Variants in RPA3 observed in about 807,000 individuals in gnomAD.
RPA3 encodes the protein replication protein A3, also known as replication protein A 14 kDa subunit.
A neutral mutation model predicts 13.7 loss-of-function variants in RPA3; 24 were observed. That is an observed-to-expected ratio of 1.75 (90% confidence interval 1.27 to 2.46). The LOEUF is 2.46. Ranked by LOEUF, RPA3 falls within the 30% of genes most tolerant of loss-of-function variation. RPA3 has a pLI of 0.00. For synonymous variants in RPA3, 59 were observed against 51.2 expected (o/e 1.15, Z -0.65); for missense variants, 183 against 151.0 (o/e 1.21, Z -1.11).
At chr7:7,678,602 T>C (rs1211312847) in intron 4 of RPA3, among the ~76,000 whole-genome samples, 3 of 134,440 alleles carry the variant, frequency 2.2e-5, no homozygotes, top group South Asian at 2.2e-4. Context: ...ATACTTAATT[T>C]ATAGATAAAT....
chr7:7,680,267 C>T (rs1046856424), intron 4 of RPA3, among the ~76,000 whole-genome samples: 1 of 152,000 alleles, frequency 6.6e-6, no homozygotes, highest in Non-Finnish European at 1.5e-5. Context: ...TATAGATATC[C>T]AGTTTTCCCA....
intron 2 of RPA3, among the ~76,000 whole-genome samples, chr7:7,689,122 C>T (rs1161964523): frequency 2.0e-5 from 3 of 152,122 alleles, no homozygotes; most frequent in Non-Finnish European, 4.4e-5. Flanking sequence ...TGCTCATTTG[C>T]CTAAGCCAGT....
At chr7:7,704,759 T>C (rs1230345429) in intron 2 of RPA3, among the ~76,000 whole-genome samples, 1 of 89,672 alleles carries the variant, frequency 1.1e-5, no homozygotes, top group African/African-American at 4.5e-5. Context: ...AGAGCGAGAC[T>C]CCATCTCAAA....
At chr7:7,642,013 G>T (rs1465400495) in intron 4 of RPA3, among the ~76,000 whole-genome samples, 1 of 152,172 alleles carries the variant, frequency 6.6e-6, no homozygotes. Flanking sequence ...AGTTGTGGTT[G>T]TATTGGTGCA....
intron 4 of RPA3, among the ~76,000 whole-genome samples, chr7:7,666,795 G>A (rs924606179): frequency 3.3e-5 from 5 of 151,832 alleles, no homozygotes; most frequent in African/African-American, 1.2e-4. Flanking sequence ...GGTTTGGACA[G>A]ATGAATTTAT....
intron 4 of RPA3, among the ~76,000 whole-genome samples, chr7:7,672,176 C>T (rs771064386): frequency 1.3e-5 from 2 of 152,164 alleles, no homozygotes; most frequent in Non-Finnish European, 2.9e-5. Context: ...GGAGCACTTG[C>T]TGCCACCAGG....
At chr7:7,653,714 G>A (rs769449745) in intron 4 of RPA3, among the ~76,000 whole-genome samples, 1 of 152,346 alleles carries the variant, frequency 6.6e-6, no homozygotes, top group South Asian at 2.1e-4. Flanking sequence ...GAGTGCTGCT[G>A]AGTGGTTAAT....
At chr7:7,650,936 G>T (rs1785210814) in intron 4 of RPA3, among the ~76,000 whole-genome samples, 1 of 152,120 alleles carries the variant, frequency 6.6e-6, no homozygotes. Context: ...TTAATGTATA[G>T]TCAGATTTGT....
chr7:7,648,706 C>T (rs984907028), intron 4 of RPA3, among the ~76,000 whole-genome samples: 1 of 151,876 alleles, frequency 6.6e-6, no homozygotes, highest in Non-Finnish European at 1.5e-5. Context: ...CAAAAATTAG[C>T]TGGCCATGGT....
chr7:7,685,790 T>C (rs1360513413), intron 4 of RPA3, 40 bp downstream of exon 4: 1 of 152,238 alleles, frequency 6.6e-6, no homozygotes, highest in Admixed American at 6.5e-5. Flanking sequence ...ATTTAAGTGT[T>C]TTCTTCCTTC....
intron 4 of RPA3, among the ~76,000 whole-genome samples, chr7:7,658,495 A>T (rs111727497): frequency 0.069 from 10,493 of 152,186 alleles, 392 homozygotes; most frequent in Admixed American, 0.11. Flanking sequence ...ATCAATACCT[A>T]GTTTTTTGAG....
chr7:7,674,362 G>A (rs1211420871), intron 4 of RPA3, among the ~76,000 whole-genome samples: 2 of 152,166 alleles, frequency 1.3e-5, no homozygotes, highest in Non-Finnish European at 2.9e-5. Context: ...AGAAATAAGG[G>A]ATGTTTCCCT....
chr7:7,677,652 A>G lies in RPA3; in HGVS notation c.-758+8178T>C, dbSNP rs1583723815. ...TGTACCACATTTTCTTTATCTATTC[A>G]TCTGTTTTTTTGTTTTTTTTTTTTT... On this transcript the variant is annotated intron_variant, in intron 4 of 7. Transcript: ENST00000223129. Among the ~76,000 whole-genome samples the G allele has an allele frequency of 2.1e-5, 3 of 142,512 alleles. No homozygotes were observed. The South Asian group carries it at 6.6e-4, about 31-fold the overall frequency. The allele number at this position is 142,512 out of a possible 152,430, so 93.5% of individuals were successfully genotyped here.
chr7:7,698,644 G>A (rs1367707138), intron 2 of RPA3, among the ~76,000 whole-genome samples: 2 of 152,030 alleles, frequency 1.3e-5, no homozygotes, highest in Non-Finnish European at 2.9e-5. Context: ...CAGTTGTAAT[G>A]TGGGTGCTAC....
intron 4 of RPA3, among the ~76,000 whole-genome samples, chr7:7,666,674 G>A (rs2158715): frequency 0.59 from 90,307 of 151,786 alleles, 26,994 homozygotes; most frequent in East Asian, 0.8. Flanking sequence ...TTTTTTGCCC[G>A]GTTTTTATTG....
At chr7:7,643,308 G>C (rs1025569553) in intron 4 of RPA3, among the ~76,000 whole-genome samples, 2 of 152,194 alleles carry the variant, frequency 1.3e-5, no homozygotes, top group African/African-American at 2.4e-5. Context: ...CCTCAGATGG[G>C]CGTGCATGTA....
chr7:7,716,272 AG>A (rs1237211252), intron 1 of RPA3, among the ~76,000 whole-genome samples: 1 of 152,228 alleles, frequency 6.6e-6, no homozygotes, highest in African/African-American at 2.4e-5. Context: ...CAACATGGGA[AG>A]GAACAATGCC....
In RPA3 at chr7:7,636,791, T is replaced by C. The variant is rs773286963; in HGVS notation, c.*209A>G. The C allele has an allele frequency of 6.0e-6, 3 of 503,470 alleles. No individual in the cohort carries two copies. The highest frequency in any genetic ancestry group is 1.0e-5 in the Non-Finnish European group (3 of 288,160). The allele number at this position is 503,470 out of a possible 1,614,324, so 31.2% of individuals were successfully genotyped here. A position where few individuals can be genotyped will look rare whatever the true frequency, so the allele number is the denominator to read the frequency against. On this transcript the variant is annotated 3_prime_UTR_variant, in exon 8 of 8. Transcript: ENST00000223129. ...AACTGCTTTATTCTTGCATCTAATC[T>C]GACCATATATTGGAGTAGCAATTCT... is the stretch of plus-strand genomic sequence containing the variant.
chr7:7,705,613 T>TA (rs1305938073), intron 2 of RPA3, among the ~76,000 whole-genome samples: 13 of 152,218 alleles, frequency 8.5e-5, no homozygotes, highest in African/African-American at 3.1e-4. Flanking sequence ...GATAATGAAT[T>TA]AGAGTTCAAG....
Sources: allele counts gnomAD v4.1 joint callset (sites outside exome capture counted in the v4.1 genomes callset), GRCh38; gene constraint gnomAD v4.1.1; transcripts MANE v1.5; gene names NCBI Gene and HGNC (gene_info 2026-07-23, HGNC 2026-07-21).